The following TTLL11 variants were observed in gnomAD, a reference collection of about 807,000 sequenced individuals.
TTLL11 encodes the protein tubulin polyglutamylase TTLL11.
TTLL11 carries 42 observed loss-of-function variants against 51.7 expected under a neutral mutation model. The observed-to-expected ratio is 0.81, with a 90% CI of 0.64 to 1.05. The LOEUF is 1.05. TTLL11 is among the 50% of genes least tolerant of loss of function. TTLL11 has a pLI of 0.00. For synonymous variants in TTLL11, 381 were observed against 383.5 expected (o/e 0.99, Z 0.08); for missense variants, 799 against 940.4 (o/e 0.85, Z 1.97).
chr9:121,979,136 G>A (rs1259801020), intron 4 of TTLL11, among the ~76,000 whole-genome samples: 2 of 152,130 alleles, frequency 1.3e-5, no homozygotes, highest in African/African-American at 4.8e-5. Flanking sequence ...TCGGAGGGAG[G>A]CCACCTGCCA....
chr9:121,947,086 C>T (rs1162869750), intron 6 of TTLL11, among the ~76,000 whole-genome samples: 1 of 152,084 alleles, frequency 6.6e-6, no homozygotes, highest in African/African-American at 2.4e-5. Context: ...GGACTAAAAC[C>T]AGGTATGTCC....
chr9:122,092,992 A>G lies in TTLL11; in HGVS notation c.157T>C (p.Cys53Arg), dbSNP rs1170057635. ...TTGGGCTGCTCCTCCCCTGCCTTGC[A>G]CTCCGGTTCCCCGGCCGCGCCCGCG... Reference protein sequence around the residue: ...VDAGAAGEPECKAGEEQPKVL... With the variant: ...VDAGAAGEPERKAGEEQPKVL... The change falls in exon 1 of 9, where the codon TGC becomes CGC. Residue 53 changes from cysteine (C) to arginine (R), a missense_variant. Physicochemically the swap from Cys to Arg is radical, Grantham distance 180. Transcript: ENST00000321582. 1 of 1,554,314 alleles carries G rather than the reference A, an allele frequency of 6.4e-7. No individual in the cohort carries two copies. The highest frequency in any genetic ancestry group is 8.6e-7 in the Non-Finnish European group (1 of 1,159,858).
intron 6 of TTLL11, among the ~76,000 whole-genome samples, chr9:121,910,641 G>C (rs1270508857): frequency 1.3e-5 from 2 of 152,022 alleles, no homozygotes; most frequent in African/African-American, 4.8e-5. Context: ...AGTGACATTC[G>C]AGCTGTCAAG....
intron 6 of TTLL11, among the ~76,000 whole-genome samples, chr9:121,916,562 C>A (rs576702027): frequency 1.3e-5 from 2 of 152,092 alleles, no homozygotes; most frequent in Non-Finnish European, 2.9e-5. Flanking sequence ...TTGTGCAAAC[C>A]AGAATAAAAC....
At position 121,860,418 on chromosome 9, in the gene TTLL11, G is replaced by A. The variant is rs756523014; in HGVS notation, c.1759C>T (p.Leu587=). 9.0e-6 allele frequency: 14 copies of A among 1,551,244 alleles called. No individual in the cohort carries two copies. The Middle Eastern group carries it at 1.2e-3, about 130-fold the overall frequency. ...IRSCKLSSSS[L]SMAAVDILYI... is the part of the protein sequence containing the mutation. ...AGGATGTCCACGGCAGCCATGGACA[G>A]GCTGCTGCTGCTGAGTTTGCAGCTC... Residue 587 remains leucine, a synonymous_variant, in exon 8 of 9, where the codon CTG becomes TTG. Coordinates refer to ENST00000321582, the MANE Select transcript of TTLL11 (RefSeq NM_001139442.2).
chr9:121,984,177 G>A (rs1298937414), intron 4 of TTLL11, among the ~76,000 whole-genome samples: 4 of 152,156 alleles, frequency 2.6e-5, no homozygotes, highest in Non-Finnish European at 5.9e-5. Context: ...GGGGTCAGGG[G>A]TGACAAATGC....
At chr9:121,969,913 T>C (rs1363867877) in intron 6 of TTLL11, among the ~76,000 whole-genome samples, 1 of 152,244 alleles carries the variant, frequency 6.6e-6, no homozygotes, top group Non-Finnish European at 1.5e-5. Flanking sequence ...ATTTCAGCCT[T>C]TTCCTCTGCA....
At chr9:121,915,330 G>GA (rs1840284560) in intron 6 of TTLL11, among the ~76,000 whole-genome samples, 1 of 152,178 alleles carries the variant, frequency 6.6e-6, no homozygotes, top group East Asian at 1.9e-4. Flanking sequence ...TTTGACATAC[G>GA]AAAGTGCCAT....
At chr9:122,031,967 C>G in intron 2 of TTLL11, 111 bp from the exon 3 acceptor site, 1 of 1,433,878 alleles carries the variant, frequency 7.0e-7, no homozygotes, top group Non-Finnish European at 9.3e-7. Context: ...CTTTTTCAGG[C>G]AGGATTTTTA....
In TTLL11 at chr9:122,030,458, A is replaced by C. The variant is rs182944010; in HGVS notation, c.693+1265T>G. ...TATAATTCAATATTAAAACCAAAACAATACAGAGGCAATAAAATAGACTCA... is the reference window on the plus strand; with the variant it reads ...TATAATTCAATATTAAAACCAAAACCATACAGAGGCAATAAAATAGACTCA... On this transcript the variant is annotated intron_variant, in intron 3 of 8. Transcript: ENST00000321582. Among the ~76,000 whole-genome samples the C allele has an allele frequency of 7.3e-3, 1,118 of 152,296 alleles. 7 individuals are homozygous for C. Among genetic ancestry groups the C allele is most frequent in the Non-Finnish European group, 0.011 (780 of 68,026 alleles).
intron 6 of TTLL11, among the ~76,000 whole-genome samples, chr9:121,938,780 AT>A (rs71370701): frequency 0.29 from 44,545 of 152,124 alleles, 6,931 homozygotes; most frequent in African/African-American, 0.4. Context: ...ATTGGCAAAC[AT>A]TTGATAAGTT....
intron 1 of TTLL11, among the ~76,000 whole-genome samples, chr9:122,047,449 G>A (rs1218540292): frequency 6.6e-6 from 1 of 152,166 alleles, no homozygotes; most frequent in Non-Finnish European, 1.5e-5. Context: ...CAAGAGGGAA[G>A]TGGTGGAGAT....
intron 1 of TTLL11, among the ~76,000 whole-genome samples, chr9:122,050,612 C>T (rs1019482317): frequency 9.9e-5 from 15 of 152,152 alleles, no homozygotes; most frequent in African/African-American, 3.6e-4. Context: ...AATTCAATCC[C>T]TTGTGTGTCC....
chr9:121,980,967 A>G (rs1842813057), intron 4 of TTLL11, among the ~76,000 whole-genome samples: 1 of 152,158 alleles, frequency 6.6e-6, no homozygotes, highest in Non-Finnish European at 1.5e-5. Context: ...ACTGCTTTTA[A>G]GATTTTCTGA....
At chr9:121,826,557 G>GTGTA (rs1189626793) in intron 8 of TTLL11, among the ~76,000 whole-genome samples, 8 of 51,342 alleles carry the variant, frequency 1.6e-4, no homozygotes, top group African/African-American at 4.2e-4. Context: ...ATATGTGTGT[G>GTGTA]TATATATATA....
At chr9:121,867,588 T>G (rs969344866) in intron 7 of TTLL11, among the ~76,000 whole-genome samples, 1 of 152,212 alleles carries the variant, frequency 6.6e-6, no homozygotes, top group Admixed American at 6.5e-5. Context: ...ATGATAAACC[T>G]TTCTAACTTC....
intron 1 of TTLL11, among the ~76,000 whole-genome samples, chr9:122,088,391 C>A (rs1846181541): frequency 6.6e-6 from 1 of 152,224 alleles, no homozygotes; most frequent in Non-Finnish European, 1.5e-5. Flanking sequence ...ATCCTGTTCA[C>A]ATCTACATCT....
chr9:121,942,286 T>G lies in TTLL11; in HGVS notation c.1481+31723A>C, dbSNP rs183897609. On this transcript the variant is annotated intron_variant, in intron 6 of 8. Transcript: ENST00000321582. Reference sequence around the variant, plus strand: ...TTCCCTCAGCTCCTTGCATGTCCTCTCTGACACTCAGGTCTCAATTCCAAT... The same window carrying G: ...TTCCCTCAGCTCCTTGCATGTCCTCGCTGACACTCAGGTCTCAATTCCAAT... Among the ~76,000 whole-genome samples, 5 of 152,334 alleles carry G rather than the reference T, an allele frequency of 3.3e-5. No homozygotes were observed. The East Asian group carries it at 9.6e-4, about 29-fold the overall frequency.
At chr9:121,985,508 CTTTTCTT>C (rs1842919785) in intron 4 of TTLL11, among the ~76,000 whole-genome samples, 1 of 131,340 alleles carries the variant, frequency 7.6e-6, no homozygotes, top group African/African-American at 3.0e-5. Flanking sequence ...ATACCATTTT[CTTTTCTT>C]TTTTTTTTTT....
Sources: allele counts gnomAD v4.1 joint callset (sites outside exome capture counted in the v4.1 genomes callset), GRCh38; gene constraint gnomAD v4.1.1; transcripts MANE v1.5; gene names NCBI Gene and HGNC (gene_info 2026-07-23, HGNC 2026-07-21).